Variants in RARB observed in about 807,000 individuals in gnomAD.
The protein encoded by RARB is HBV-activated protein.
RARB carries 17 observed loss-of-function variants against 51.9 expected under a neutral mutation model. That is an observed-to-expected ratio of 0.33 (90% CI 0.22 to 0.49). RARB has a LOEUF of 0.49. Among genes scored for constraint, RARB ranks in the 20% least tolerant of loss-of-function variants. The probability of loss-of-function intolerance (pLI) is 0.99; values close to 1 mark genes in which losing one functional copy is unlikely to be tolerated. For missense variants in RARB, 369 were observed against 550.8 expected, an observed-to-expected ratio of 0.67 and a Z score of 3.30; for synonymous variants, 215 against 195.4, an observed-to-expected ratio of 1.10 and a Z score of -0.84.
At chr3:24,950,634 T>C (rs2125405470) in intron 2 of RARB, among the ~76,000 whole-genome samples, 1 of 151,394 alleles carries the variant, frequency 6.6e-6, no homozygotes, top group South Asian at 2.1e-4. Context: ...TCATGTTTGC[T>C]ATGTGCACAG....
chr3:25,593,917 T>A (rs1371668948), intron 6 of RARB, among the ~76,000 whole-genome samples: 1 of 152,090 alleles, frequency 6.6e-6, no homozygotes, highest in East Asian at 1.9e-4. Flanking sequence ...CAGAAAGAAA[T>A]CCCAAAAAGC....
intron 5 of RARB, among the ~76,000 whole-genome samples, chr3:25,590,200 C>T (rs1375337788): frequency 2.0e-5 from 3 of 152,214 alleles, no homozygotes; most frequent in Non-Finnish European, 4.4e-5. Flanking sequence ...GTTTAAATGA[C>T]TCATCAGAAT....
Position 25,498,873 on chromosome 3 carries a change from T to C in RARB, c.307-2309T>C, listed in dbSNP as rs550074733. 2.6e-5 allele frequency among the ~76,000 whole-genome samples: 4 copies of C among 152,340 alleles called. No homozygotes were observed. The South Asian group carries it at 8.3e-4, about 32-fold the overall frequency. On this transcript the variant is annotated intron_variant, in intron 2 of 7. Coordinates refer to ENST00000330688, the MANE Select transcript of RARB (RefSeq NM_000965.5). Reference sequence around the variant, plus strand: ...GGCAGCAGAAAGTGGCCCACAGTTATATTTTTTGTAGGGAAAGATATGTTT... The same window carrying C: ...GGCAGCAGAAAGTGGCCCACAGTTACATTTTTTGTAGGGAAAGATATGTTT...
chr3:25,394,863 G>T (rs935506663), intron 5 of RARB, among the ~76,000 whole-genome samples: 2 of 152,104 alleles, frequency 1.3e-5, no homozygotes, highest in African/African-American at 2.4e-5. Context: ...CTGCCATTCT[G>T]AATCTTTTAA....
intron 5 of RARB, among the ~76,000 whole-genome samples, chr3:25,274,447 A>C (rs936202717): frequency 7.2e-5 from 11 of 152,146 alleles, no homozygotes; most frequent in Non-Finnish European, 1.0e-4. Flanking sequence ...TGTTACCTTT[A>C]TGAAGCTGCC....
chr3:24,926,384 G>A (rs894238183), intron 2 of RARB, among the ~76,000 whole-genome samples: 3 of 152,082 alleles, frequency 2.0e-5, no homozygotes, highest in Non-Finnish European at 4.4e-5. Flanking sequence ...AAATTATGTG[G>A]TGCTTTAAAT....
intron 5 of RARB, among the ~76,000 whole-genome samples, chr3:25,274,584 A>G (rs1175264609): frequency 6.6e-6 from 1 of 152,156 alleles, no homozygotes; most frequent in African/African-American, 2.4e-5. Flanking sequence ...TCTCATGTGT[A>G]TTTGCTGTAA....
intron 4 of RARB, among the ~76,000 whole-genome samples, chr3:25,143,297 G>A (rs1700138537): frequency 6.6e-6 from 1 of 152,154 alleles, no homozygotes; most frequent in South Asian, 2.1e-4. Context: ...GAAGAGGGAA[G>A]GTGAGTTGCT....
chr3:25,333,771 C>T (rs868282665), intron 5 of RARB, among the ~76,000 whole-genome samples: 3 of 152,194 alleles, frequency 2.0e-5, no homozygotes, highest in African/African-American at 7.2e-5. Flanking sequence ...TTTTTACATT[C>T]TACCCATCTG....
At chr3:25,217,086 C>T (rs1045699378) in intron 5 of RARB, among the ~76,000 whole-genome samples, 3 of 152,176 alleles carry the variant, frequency 2.0e-5, no homozygotes, top group African/African-American at 4.8e-5. Flanking sequence ...CATTGATTCT[C>T]AATCCTTCCT....
At chr3:25,525,741 A>C (rs1698616816) in intron 3 of RARB, among the ~76,000 whole-genome samples, 1 of 147,680 alleles carries the variant, frequency 6.8e-6, no homozygotes. Flanking sequence ...TGTGGTAGCC[A>C]TGTAAATATA....
intron 2 of RARB, among the ~76,000 whole-genome samples, chr3:24,925,343 C>T (rs140649798): frequency 3.3e-5 from 5 of 151,870 alleles, no homozygotes; most frequent in African/African-American, 4.8e-5. Context: ...GTAGATATGT[C>T]CTTGGAAAGA....
At chr3:25,035,422 T>G (rs1697970725) in intron 2 of RARB, among the ~76,000 whole-genome samples, 1 of 12,256 alleles carries the variant, frequency 8.2e-5, no homozygotes, top group African/African-American at 1.4e-4. Flanking sequence ...GCGTCCAGCC[T>G]TTTTTTTTTT....
At chr3:25,340,384 T>C (rs1017057112) in intron 5 of RARB, among the ~76,000 whole-genome samples, 2 of 152,168 alleles carry the variant, frequency 1.3e-5, no homozygotes, top group Non-Finnish European at 2.9e-5. Context: ...CATCCCTTCA[T>C]GCTAAGCCCT....
chr3:24,991,233 G>A (rs889800220), intron 2 of RARB, among the ~76,000 whole-genome samples: 6 of 152,176 alleles, frequency 3.9e-5, no homozygotes, highest in African/African-American at 1.2e-4. Flanking sequence ...CTGAGGTCAG[G>A]AGTTCAAGAC....
chr3:25,127,314 C>A (rs919779942), intron 3 of RARB, among the ~76,000 whole-genome samples: 2 of 152,130 alleles, frequency 1.3e-5, no homozygotes, highest in Non-Finnish European at 2.9e-5. Context: ...CACGGCCCAC[C>A]AGCCTTCTAT....
intron 2 of RARB, among the ~76,000 whole-genome samples, chr3:25,043,367 T>A (rs1698150253): frequency 6.6e-6 from 1 of 152,230 alleles, no homozygotes; most frequent in Non-Finnish European, 1.5e-5. Flanking sequence ...AGTGACTCAT[T>A]TATTAATAGT....
At chr3:25,509,361 C>T (rs1185196387) in intron 3 of RARB, among the ~76,000 whole-genome samples, 12 of 152,318 alleles carry the variant, frequency 7.9e-5, no homozygotes. Flanking sequence ...GCTACTGCTT[C>T]TTTTGGTGAC....
chr3:25,110,729 A>T (rs1430250001), intron 3 of RARB, among the ~76,000 whole-genome samples: 1 of 152,206 alleles, frequency 6.6e-6, no homozygotes. Context: ...AGGAAGAAGG[A>T]GTATTTAGTG....
Sources: gnomAD v4.1 joint callset for allele counts (sites outside exome capture counted in the v4.1 genomes callset) on GRCh38, gnomAD v4.1.1 for gene constraint, MANE v1.5 for transcripts, NCBI Gene and HGNC (gene_info 2026-07-23, HGNC 2026-07-21) for gene names.